Variants in ITPR1 observed in about 807,000 individuals in gnomAD.
The protein encoded by ITPR1 is inositol 1,4,5-trisphosphate-gated calcium channel ITPR1.
Under a neutral mutation model 318.4 loss-of-function variants are expected in ITPR1, and 96 were observed. That is an observed-to-expected ratio of 0.30 (90% CI 0.26 to 0.36). The LOEUF (loss-of-function observed/expected upper bound fraction) is 0.36. ITPR1 is among the 10% of genes least tolerant of loss of function. The pLI is 1.00. For synonymous variants in ITPR1, 1,312 were observed against 1,289.9 expected (o/e 1.02, Z -0.37); for missense variants, 2,440 against 3,460.2 (o/e 0.71, Z 7.40).
chr3:4,632,424 G>C (rs1181073254), intron 5 of ITPR1, among the ~76,000 whole-genome samples: 1 of 152,148 alleles, frequency 6.6e-6, no homozygotes, highest in Admixed American at 6.5e-5. Flanking sequence ...GGGCTTGGTG[G>C]GTAGTGTTGC....
At chr3:4,782,021 T>C (rs2046869668) in intron 49 of ITPR1, among the ~76,000 whole-genome samples, 1 of 152,216 alleles carries the variant, frequency 6.6e-6, no homozygotes, top group Non-Finnish European at 1.5e-5. Context: ...TATAAATGTT[T>C]GTGAGCATTA....
At chr3:4,808,153 G>A (rs1342567004) in intron 55 of ITPR1, among the ~76,000 whole-genome samples, 1 of 152,208 alleles carries the variant, frequency 6.6e-6, no homozygotes, top group African/African-American at 2.4e-5. Context: ...ACAGTCAGGA[G>A]CACATTACAG....
intron 25 of ITPR1, 132 bp from the exon 26 acceptor site, chr3:4,681,232 C>G (rs1383605784): frequency 4.5e-6 from 3 of 670,260 alleles, no homozygotes; most frequent in Non-Finnish European, 8.2e-6. Flanking sequence ...CTCTGCATAG[C>G]TTTGCAATAT....
intron 4 of ITPR1, among the ~76,000 whole-genome samples, chr3:4,576,903 T>C (rs534142103): frequency 6.6e-6 from 1 of 152,144 alleles, no homozygotes; most frequent in East Asian, 1.9e-4. Context: ...TCCTGAAGGG[T>C]CATAAACACT....
intron 44 of ITPR1, among the ~76,000 whole-genome samples, chr3:4,738,009 A>G (rs987652373): frequency 3.3e-5 from 5 of 152,314 alleles, no homozygotes; most frequent in African/African-American, 1.2e-4. Context: ...GAGCTAAGTG[A>G]CAGGAACACA....
chr3:4,794,229 T>C lies in ITPR1; in HGVS notation c.6809-836T>C, dbSNP rs1251534054. ...GAGTTCAGGGAAAAAGGCACCCCTG[T>C]AACCAAGTGTTTGTTGTTCTAAGAC... On this transcript the variant is annotated intron_variant, in intron 52 of 61. Transcript: ENST00000649015. Among the ~76,000 whole-genome samples, 3 of 152,208 alleles carry C rather than the reference T, an allele frequency of 2.0e-5. No individual in the cohort carries two copies. The East Asian group carries it at 5.8e-4, about 29-fold the overall frequency.
At chr3:4,766,121 G>T (rs1175219654) in intron 44 of ITPR1, among the ~76,000 whole-genome samples, 1 of 152,254 alleles carries the variant, frequency 6.6e-6, no homozygotes, top group East Asian at 1.9e-4. Flanking sequence ...ATAGGGCTCT[G>T]CCCAGGGGAA....
intron 4 of ITPR1, among the ~76,000 whole-genome samples, chr3:4,597,909 G>A (rs1438039520): frequency 6.6e-6 from 1 of 152,188 alleles, no homozygotes; most frequent in East Asian, 1.9e-4. Flanking sequence ...GCAAACATCT[G>A]TGGAGACCAA....
intron 5 of ITPR1, among the ~76,000 whole-genome samples, chr3:4,632,174 G>A (rs1046101514): frequency 6.6e-6 from 1 of 152,170 alleles, no homozygotes; most frequent in East Asian, 1.9e-4. Context: ...TGAATAGGTG[G>A]GGAAGGTTGG....
At chr3:4,686,022 G>A (rs770259806) in intron 30 of ITPR1, among the ~76,000 whole-genome samples, 2 of 152,180 alleles carry the variant, frequency 1.3e-5, no homozygotes, top group Non-Finnish European at 2.9e-5. Context: ...TGCTTGCAGG[G>A]TGCCAGGCGC....
intron 35 of ITPR1, among the ~76,000 whole-genome samples, 167 bp downstream of exon 35, chr3:4,700,108 G>A (rs2094622699): frequency 6.6e-6 from 1 of 152,196 alleles, no homozygotes; most frequent in African/African-American, 2.4e-5. Flanking sequence ...CTTGGGTAAA[G>A]AAGTACCTGG....
Position 4,693,487 on chromosome 3 carries a change from T to C in ITPR1, c.4030-3T>C. Reference sequence around the variant, plus strand: ...ATCTAAACCCACCCTGTTCTTTATGTAGCTGGTCAATTCGGGAGAGGATGT... The same window carrying C: ...ATCTAAACCCACCCTGTTCTTTATGCAGCTGGTCAATTCGGGAGAGGATGT... On this transcript the variant is annotated splice_polypyrimidine_tract_variant and splice_region_variant and intron_variant, in intron 32 of 61. Coordinates refer to ENST00000649015, the MANE Select transcript of ITPR1 (RefSeq NM_001378452.1). The C allele has an allele frequency of 6.2e-7, 1 of 1,613,142 alleles. No individual in the cohort carries two copies. Among genetic ancestry groups the C allele is most frequent in the Non-Finnish European group, 8.5e-7 (1 of 1,179,142 alleles).
intron 60 of ITPR1, among the ~76,000 whole-genome samples, chr3:4,832,436 C>A (rs1310130615): frequency 6.6e-6 from 1 of 152,078 alleles, no homozygotes; most frequent in Non-Finnish European, 1.5e-5. Context: ...GGTTGGATCA[C>A]CTGAGGTCAG....
intron 60 of ITPR1, among the ~76,000 whole-genome samples, chr3:4,834,174 C>G (rs535445756): frequency 6.6e-6 from 1 of 152,282 alleles, no homozygotes; most frequent in East Asian, 1.9e-4. Flanking sequence ...ATTACAGGCA[C>G]CAGCCACCAG....
chr3:4,541,463 T>A (rs543294226), intron 4 of ITPR1, among the ~76,000 whole-genome samples: 1 of 152,178 alleles, frequency 6.6e-6, no homozygotes, highest in South Asian at 2.1e-4. Flanking sequence ...TCCCCTCTGG[T>A]TACTTTAGAG....
chr3:4,729,928 T>C (rs1215472931), intron 42 of ITPR1, among the ~76,000 whole-genome samples: 1 of 34,118 alleles, frequency 2.9e-5, no homozygotes, highest in Admixed American at 2.9e-4. Context: ...TTAGAAGTCT[T>C]TTTTTTTTTT....
intron 45 of ITPR1, among the ~76,000 whole-genome samples, 194 bp downstream of exon 45, chr3:4,766,904 C>A (rs560091241): frequency 6.6e-6 from 1 of 152,310 alleles, no homozygotes; most frequent in Admixed American, 6.5e-5. Context: ...AAGGATCTTC[C>A]TGTTTAATAA....
chr3:4,755,389 C>T (rs68048957), intron 44 of ITPR1, among the ~76,000 whole-genome samples: 34,583 of 144,068 alleles, frequency 0.24, 4,643 homozygotes, highest in Middle Eastern at 0.47. Flanking sequence ...GGTGTTTTTT[C>T]CCCCAATTAA....
At chr3:4,542,369 C>T (rs1393698999) in intron 4 of ITPR1, among the ~76,000 whole-genome samples, 1 of 152,136 alleles carries the variant, frequency 6.6e-6, no homozygotes, top group Non-Finnish European at 1.5e-5. Context: ...TCATGTTTCT[C>T]CCCAGAAAAT....
Sources: allele counts gnomAD v4.1 joint callset (sites outside exome capture counted in the v4.1 genomes callset), GRCh38; gene constraint gnomAD v4.1.1; transcripts MANE v1.5; gene names NCBI Gene and HGNC (gene_info 2026-07-23, HGNC 2026-07-21).